GBE1: variants seen among roughly 807,000 people sequenced by gnomAD.
GBE1 encodes 1,4-alpha-glucan branching enzyme 1, also known as 1,4-alpha-glucan-branching enzyme.
In GBE1, 70 loss-of-function variants were observed where a neutral mutation model predicts 88.8. The ratio of observed to expected loss-of-function variants is 0.79; its 90% CI spans 0.65 to 0.96. The LOEUF (loss-of-function observed/expected upper bound fraction) is 0.96, where lower values mean the gene tolerates loss of function less well. Ranked by LOEUF, GBE1 falls within the 40% of genes least tolerant of loss-of-function variation. The pLI is 0.00. For missense variants in GBE1, 872 were observed against 871.0 expected (o/e 1.00, Z -0.01); for synonymous variants, 284 against 300.1 (o/e 0.95, Z 0.56).
At chr3:81,511,909 A>G (rs1008235554) in intron 14 of GBE1, among the ~76,000 whole-genome samples, 2 of 151,852 alleles carry the variant, frequency 1.3e-5, no homozygotes, top group Non-Finnish European at 2.9e-5. Context: ...GTTTATCACA[A>G]TACGATTTAC....
chr3:81,522,948 TTGAG>T lies in GBE1; in HGVS notation c.1934+12243_1934+12246del, dbSNP rs1367971742. Among the ~76,000 whole-genome samples the T allele has an allele frequency of 4.0e-5, 6 of 151,628 alleles. No individual in the cohort carries two copies. In the South Asian group the frequency reaches 8.3e-4, roughly 21 times the overall value. On this transcript the variant is annotated intron_variant, in intron 14 of 15. Coordinates refer to ENST00000429644, the MANE Select transcript of GBE1 (RefSeq NM_000158.4). The stretch of plus-strand genomic sequence containing the variant: ...AGAAGAGGTGACTAATGTAAAAACA[TTGAG>T]TATTTATTTATTAAAATAGAAAATT...
Position 81,678,019 on chromosome 3 carries a change from T to G in GBE1, c.314-7066A>C, listed in dbSNP as rs550474589. 3.5e-4 allele frequency among the ~76,000 whole-genome samples: 54 copies of G among 152,316 alleles called. No individual in the cohort carries two copies. In the South Asian group the frequency reaches 0.011, roughly 31 times the overall value. ...TTAGAAAATAAATCAAATACAGTCA[T>G]TTGTTCATTACTTAAAAATGGGGAT... On this transcript the variant is annotated intron_variant, in intron 2 of 15. Transcript: ENST00000429644.
At chr3:81,625,343 C>T (rs1391498432) in intron 7 of GBE1, among the ~76,000 whole-genome samples, 2 of 152,128 alleles carry the variant, frequency 1.3e-5, no homozygotes, top group Non-Finnish European at 2.9e-5. Flanking sequence ...CTGGAGGCAC[C>T]TGGAGTCTGT....
intron 7 of GBE1, among the ~76,000 whole-genome samples, chr3:81,598,327 A>G (rs1160279229): frequency 1.3e-5 from 2 of 152,014 alleles, no homozygotes; most frequent in Non-Finnish European, 2.9e-5. Context: ...ACCACGAATC[A>G]AAAACCTCAT....
intron 1 of GBE1, among the ~76,000 whole-genome samples, chr3:81,761,049 G>T (rs1706673763): frequency 6.6e-6 from 1 of 152,244 alleles, no homozygotes; most frequent in African/African-American, 2.4e-5. Context: ...GCGGCGGTGA[G>T]TCACTCCCCA....
chr3:81,507,523 C>G (rs1702670274), intron 14 of GBE1, among the ~76,000 whole-genome samples: 1 of 151,986 alleles, frequency 6.6e-6, no homozygotes, highest in East Asian at 1.9e-4. Flanking sequence ...AGGATTGCAC[C>G]ACTACACTCC....
At chr3:81,718,370 T>C (rs1705971934) in intron 1 of GBE1, among the ~76,000 whole-genome samples, 1 of 152,234 alleles carries the variant, frequency 6.6e-6, no homozygotes, top group Non-Finnish European at 1.5e-5. Flanking sequence ...TAATGACCAG[T>C]ATCTTATGGA....
At position 81,750,657 on chromosome 3, in the gene GBE1, ATG is replaced by A. The variant is rs1320935649; in HGVS notation, c.143+10716_143+10717del. Among the ~76,000 whole-genome samples, 265 of 45,904 alleles carry A rather than the reference ATG, an allele frequency of 5.8e-3. 26 individuals carry two copies. Among genetic ancestry groups the A allele is most frequent in the African/African-American group, 0.031 (198 of 6,406 alleles). The allele number at this position is 45,904 out of a possible 152,430, so 30.1% of individuals were successfully genotyped here. ...TATATATATATATGTATATATATATATGTATATATATATATACGTATATATAT... is the reference window on the plus strand; with the variant it reads ...TATATATATATATGTATATATATATATATATATATATATACGTATATATAT... On this transcript the variant is annotated intron_variant, in intron 1 of 15. Transcript: ENST00000429644.
chr3:81,530,974 G>A (rs541997498), intron 14 of GBE1, among the ~76,000 whole-genome samples: 4 of 151,906 alleles, frequency 2.6e-5, no homozygotes, highest in African/African-American at 9.6e-5. Flanking sequence ...CCTGGCACTA[G>A]GAACTTTAGA....
Position 81,537,100 on chromosome 3 carries a change from A to C in GBE1, c.1619-5T>G. On this transcript the variant is annotated splice_region_variant and splice_polypyrimidine_tract_variant and intron_variant, in intron 12 of 15. Transcript: ENST00000429644. ...CAGGATGCCCAAATTCATTACCTGC[A>C]TTACAAAACACATGCAAATATCAGC... 1 of 1,482,528 alleles carries C rather than the reference A, an allele frequency of 6.7e-7. No individual in the cohort carries two copies. The highest frequency in any genetic ancestry group is 9.0e-7 in the Non-Finnish European group (1 of 1,116,690). 91.8% of individuals were successfully genotyped at this position (1,482,528 alleles called of 1,614,324 possible). A position where few individuals can be genotyped will look rare whatever the true frequency, so the allele number is the denominator to read the frequency against.
intron 7 of GBE1, among the ~76,000 whole-genome samples, chr3:81,626,665 A>G (rs1352542342): frequency 6.6e-6 from 1 of 151,856 alleles, no homozygotes; most frequent in African/African-American, 2.4e-5. Context: ...CGTAGTAAGC[A>G]AGAGAAAAAG....
chr3:81,611,505 T>G (rs1027902876), intron 7 of GBE1, among the ~76,000 whole-genome samples: 2 of 152,150 alleles, frequency 1.3e-5, no homozygotes, highest in Non-Finnish European at 2.9e-5. Context: ...CTTTGTGAGC[T>G]TCCATGGGTT....
intron 14 of GBE1, among the ~76,000 whole-genome samples, chr3:81,506,298 T>C (rs536946634): frequency 3.3e-5 from 5 of 152,134 alleles, no homozygotes; most frequent in African/African-American, 1.2e-4. Context: ...CCAACAATCA[T>C]ACGAAATAAA....
chr3:81,670,448 A>C (rs1705173723), intron 3 of GBE1, among the ~76,000 whole-genome samples: 1 of 152,158 alleles, frequency 6.6e-6, no homozygotes, highest in Non-Finnish European at 1.5e-5. Context: ...CCCCTCCCAC[A>C]TCAATTTCAC....
At chr3:81,499,567 A>G (rs184269813) in intron 14 of GBE1, among the ~76,000 whole-genome samples, 3 of 152,222 alleles carry the variant, frequency 2.0e-5, no homozygotes, top group Admixed American at 6.5e-5. Context: ...TTGAGATTAT[A>G]TTATTTCTAC....
intron 12 of GBE1, among the ~76,000 whole-genome samples, chr3:81,539,783 C>T (rs909555509): frequency 6.6e-6 from 1 of 151,924 alleles, no homozygotes; most frequent in African/African-American, 2.4e-5. Context: ...AAAACGGTGA[C>T]AGAAAGTTTG....
intron 7 of GBE1, among the ~76,000 whole-genome samples, chr3:81,598,138 C>A (rs1044753826): frequency 2.0e-5 from 3 of 151,786 alleles, no homozygotes; most frequent in African/African-American, 7.2e-5. Context: ...CTGAGATTTT[C>A]AAAATTTGCA....
intron 1 of GBE1, among the ~76,000 whole-genome samples, chr3:81,724,648 TAACA>T (rs890783882): frequency 1.3e-5 from 2 of 152,306 alleles, no homozygotes; most frequent in East Asian, 1.9e-4. Flanking sequence ...CATCTTAGCT[TAACA>T]AACAGTGATT....
At chr3:81,729,187 C>T (rs1442854959) in intron 1 of GBE1, among the ~76,000 whole-genome samples, 2 of 152,096 alleles carry the variant, frequency 1.3e-5, no homozygotes, top group African/African-American at 4.8e-5. Flanking sequence ...CAAGACCAGA[C>T]CAAAGCATGT....
Sources: gnomAD v4.1 joint callset for allele counts (sites outside exome capture counted in the v4.1 genomes callset) on GRCh38, gnomAD v4.1.1 for gene constraint, MANE v1.5 for transcripts, NCBI Gene and HGNC (gene_info 2026-07-23, HGNC 2026-07-21) for gene names.